GNB1: variants seen among roughly 807,000 people sequenced by gnomAD.
GNB1 encodes the protein G protein subunit beta 1, also known as guanine nucleotide-binding protein G(I)/G(S)/G(T) subunit beta-1.
In GNB1, 2 loss-of-function variants were observed where a neutral mutation model predicts 42.9. The ratio of observed to expected loss-of-function variants is 0.05; its 90% CI spans 0.02 to 0.15. GNB1 has a LOEUF of 0.15. Among genes scored for constraint, GNB1 ranks in the 10% least tolerant of loss-of-function variants. The probability of loss-of-function intolerance (pLI) is 1.00; values close to 1 mark genes in which losing one functional copy is unlikely to be tolerated. For synonymous variants in GNB1, 183 were observed against 174.7 expected (o/e 1.05, Z -0.38); for missense variants, 193 against 462.2 (o/e 0.42, Z 5.34).
chr1:1,876,492 CGA>C lies in GNB1; in HGVS notation c.-96+14326_-96+14327del, dbSNP rs35226472. On this transcript the variant is annotated intron_variant, in intron 1 of 11. Transcript: ENST00000378609. ...AAGAGAGAGGACATGCATGTGCACACGAGAGAGAGAGAGAGAGAGAGAGCGAG... is the reference window on the plus strand; with the variant it reads ...AAGAGAGAGGACATGCATGTGCACACGAGAGAGAGAGAGAGAGAGAGCGAG... 5.1e-3 allele frequency among the ~76,000 whole-genome samples: 748 copies of C among 147,340 alleles called. 2 individuals carry two copies. Among genetic ancestry groups the C allele is most frequent in the South Asian group, 0.031 (146 of 4,640 alleles).
intron 1 of GNB1, among the ~76,000 whole-genome samples, chr1:1,847,959 C>G (rs1338487718): frequency 1.3e-5 from 2 of 152,196 alleles, no homozygotes; most frequent in South Asian, 2.1e-4. Context: ...ACTGGGCAAT[C>G]TGGCAGAAGG....
chr1:1,802,440 A>G (rs1207882729), intron 7 of GNB1, among the ~76,000 whole-genome samples: 2 of 152,232 alleles, frequency 1.3e-5, no homozygotes, highest in South Asian at 2.1e-4. Flanking sequence ...AAGCACTCAC[A>G]AGGATATTAA....
intron 1 of GNB1, among the ~76,000 whole-genome samples, chr1:1,860,743 A>C (rs2101644297): frequency 6.6e-6 from 1 of 152,030 alleles, no homozygotes; most frequent in Middle Eastern, 3.4e-3. Context: ...AGTCCCCACA[A>C]ACCGACCAGA....
Position 1,786,350 on chromosome 1 carries a change from AG to A in GNB1, c.*712del, listed in dbSNP as rs1646406087. On this transcript the variant is annotated 3_prime_UTR_variant, in exon 12 of 12. Coordinates refer to ENST00000378609, the MANE Select transcript of GNB1 (RefSeq NM_002074.5). Reference sequence around the variant, plus strand: ...TGAGCTCACTTTTCAGCAAAGGTGAAGGATTCTCTGATCACGCATTTGAGAC... The same window carrying A: ...TGAGCTCACTTTTCAGCAAAGGTGAAGATTCTCTGATCACGCATTTGAGAC... The A allele has an allele frequency of 3.0e-6, 1 of 328,504 alleles. No individual in the cohort carries two copies. The highest frequency in any genetic ancestry group is 5.5e-6 in the Non-Finnish European group (1 of 182,064). 20.3% of individuals were successfully genotyped at this position (328,504 alleles called of 1,614,324 possible).
chr1:1,812,152 G>A (rs909875077), intron 5 of GNB1, among the ~76,000 whole-genome samples: 1 of 152,004 alleles, frequency 6.6e-6, no homozygotes, highest in Non-Finnish European at 1.5e-5. Context: ...TATGAAGGCA[G>A]GAAATATGAA....
chr1:1,887,438 C>T (rs764999047), intron 1 of GNB1, among the ~76,000 whole-genome samples: 1 of 152,094 alleles, frequency 6.6e-6, no homozygotes, highest in Admixed American at 6.6e-5. Flanking sequence ...TAAAATAAAC[C>T]AAAAGACCCA....
intron 1 of GNB1, among the ~76,000 whole-genome samples, chr1:1,852,349 C>A (rs1457406359): frequency 6.6e-6 from 1 of 152,042 alleles, no homozygotes; most frequent in African/African-American, 2.4e-5. Flanking sequence ...CTGCCTCAGC[C>A]TCCCAAGTAG....
chr1:1,857,664 A>G (rs1648381258), intron 1 of GNB1, among the ~76,000 whole-genome samples: 1 of 152,128 alleles, frequency 6.6e-6, no homozygotes, highest in Non-Finnish European at 1.5e-5. Context: ...CTACATGTGC[A>G]CTTATAGCAG....
In GNB1 at chr1:1,804,537, T is replaced by C. The variant is rs888774835; in HGVS notation, c.312A>G (p.Ala104=). The C allele has an allele frequency of 2.5e-6, 4 of 1,613,760 alleles. No individual in the cohort carries two copies. The highest frequency in any genetic ancestry group is 3.4e-6 in the Non-Finnish European group (4 of 1,179,742). The change falls in exon 7 of 12, where the codon GCA becomes GCG. Residue 104 remains alanine (A), a synonymous_variant. Transcript: ENST00000378609. ...PLRSSWVMTC[A]YAPSGNYVAC... ...CCACATAGTTCCCAGAAGGGGCATATGCACAGGTCATGACCCAGGAGGAGC... is the reference window on the plus strand; with the variant it reads ...CCACATAGTTCCCAGAAGGGGCATACGCACAGGTCATGACCCAGGAGGAGC...
chr1:1,823,276 C>G (rs1352925327), intron 3 of GNB1, among the ~76,000 whole-genome samples: 1 of 146,356 alleles, frequency 6.8e-6, no homozygotes, highest in Non-Finnish European at 1.5e-5. Flanking sequence ...AATCTGATTT[C>G]TATAAGATGA....
chr1:1,785,777 T>A lies in GNB1; in HGVS notation c.*1286A>T. On this transcript the variant is annotated 3_prime_UTR_variant, in exon 12 of 12. Coordinates refer to ENST00000378609, the MANE Select transcript of GNB1 (RefSeq NM_002074.5). ...TCTCTCTCCCTCCCCACCCTCAGAA[T>A]CCAACAGCAGTCGTTTGCAACAGAA... is the stretch of plus-strand genomic sequence containing the variant. 51 of 243,714 alleles carry A rather than the reference T, an allele frequency of 2.1e-4. No homozygotes were observed. The highest frequency in any genetic ancestry group is 4.1e-4 in the East Asian group (6 of 14,692). The allele number at this position is 243,714 out of a possible 1,614,324, so 15.1% of individuals were successfully genotyped here.
chr1:1,845,389 CAG>C (rs1647583824), intron 1 of GNB1, among the ~76,000 whole-genome samples: 1 of 152,016 alleles, frequency 6.6e-6, no homozygotes, highest in Non-Finnish European at 1.5e-5. Context: ...CTAGCTAACT[CAG>C]TGAAACCCCG....
At chr1:1,791,528 C>G (rs989547801) in intron 8 of GNB1, among the ~76,000 whole-genome samples, 3 of 152,234 alleles carry the variant, frequency 2.0e-5, no homozygotes, top group Non-Finnish European at 2.9e-5. Context: ...AGGTGAGACG[C>G]TGACAGAGCC....
chr1:1,799,702 C>T (rs1646598772), intron 7 of GNB1, among the ~76,000 whole-genome samples: 2 of 152,130 alleles, frequency 1.3e-5, no homozygotes, highest in South Asian at 4.1e-4. Flanking sequence ...GAGGAGTCTC[C>T]CCTGGGAGAA....
At chr1:1,834,404 G>A (rs1456528625) in intron 2 of GNB1, among the ~76,000 whole-genome samples, 2 of 152,052 alleles carry the variant, frequency 1.3e-5, no homozygotes, top group East Asian at 3.9e-4. Context: ...TTAGCCTATG[G>A]CCTCTTTTTG....
intron 8 of GNB1, among the ~76,000 whole-genome samples, chr1:1,791,106 G>A (rs1472506312): frequency 6.6e-6 from 1 of 152,018 alleles, no homozygotes; most frequent in Non-Finnish European, 1.5e-5. Context: ...CAATTCTGAG[G>A]TCCTCCTGCC....
intron 2 of GNB1, among the ~76,000 whole-genome samples, chr1:1,838,802 G>A (rs79570897): frequency 1.3e-5 from 2 of 151,948 alleles, no homozygotes; most frequent in Admixed American, 6.6e-5. Flanking sequence ...GCTTTCTAAC[G>A]AAAAAAACTA....
At chr1:1,839,692 C>CA (rs201957499) in intron 1 of GNB1, 10,459 of 144,546 alleles carry the variant, frequency 0.072, 486 homozygotes, top group Non-Finnish European at 0.11. Context: ...ACTAAAAATA[C>CA]AAAAAAAAAA....
chr1:1,819,723 T>G (rs1335627721), intron 3 of GNB1, among the ~76,000 whole-genome samples: 1 of 113,676 alleles, frequency 8.8e-6, no homozygotes, highest in Non-Finnish European at 2.0e-5. Context: ...TTTTTTTTTG[T>G]AGAGATGGGG....
Sources: gnomAD v4.1 joint callset for allele counts (sites outside exome capture counted in the v4.1 genomes callset) on GRCh38, gnomAD v4.1.1 for gene constraint, MANE v1.5 for transcripts, NCBI Gene and HGNC (gene_info 2026-07-23, HGNC 2026-07-21) for gene names.